PCDH7: variants seen among roughly 807,000 people sequenced by gnomAD.
The protein encoded by PCDH7 is protocadherin-7.
Under a neutral mutation model 58.9 loss-of-function variants are expected in PCDH7, and 17 were observed. The ratio of observed to expected loss-of-function variants is 0.29; its 90% CI spans 0.20 to 0.43. The LOEUF is 0.43. Ranked by LOEUF, PCDH7 falls within the 20% of genes least tolerant of loss-of-function variation. PCDH7 has a pLI of 1.00. For synonymous variants in PCDH7, 664 were observed against 616.4 expected, an observed-to-expected ratio of 1.08 and a Z score of -1.14; for missense variants, 1,274 against 1,441.0, an observed-to-expected ratio of 0.88 and a Z score of 1.88.
At chr4:30,894,528 C>T (rs867874612) in intron 1 of PCDH7, among the ~76,000 whole-genome samples, 1,410 of 92,878 alleles carry the variant, frequency 0.015, 8 homozygotes, top group African/African-American at 0.023. Flanking sequence ...CACACACACA[C>T]ACACACACAC....
intron 3 of PCDH7, among the ~76,000 whole-genome samples, chr4:31,137,633 T>C (rs535031083): frequency 1.3e-5 from 2 of 152,264 alleles, no homozygotes; most frequent in Admixed American, 1.3e-4. Context: ...AAAATACTTC[T>C]TATTTTTTTG....
At chr4:30,933,365 G>C (rs1306413918) in intron 2 of PCDH7, among the ~76,000 whole-genome samples, 2 of 152,108 alleles carry the variant, frequency 1.3e-5, no homozygotes, top group Non-Finnish European at 2.9e-5. Flanking sequence ...GATGAGGCTT[G>C]CAGAAACAAA....
chr4:31,026,430 G>C (rs984403277), intron 3 of PCDH7, among the ~76,000 whole-genome samples: 5 of 152,200 alleles, frequency 3.3e-5, no homozygotes, highest in African/African-American at 1.2e-4. Context: ...TGGGCATACC[G>C]AAATGAGCAT....
chr4:30,887,093 CACAA>C (rs1737921108), intron 1 of PCDH7, among the ~76,000 whole-genome samples: 1 of 151,482 alleles, frequency 6.6e-6, no homozygotes, highest in Non-Finnish European at 1.5e-5. Context: ...AACTAACCTG[CACAA>C]TGTGCAGGTT....
intron 3 of PCDH7, among the ~76,000 whole-genome samples, chr4:31,078,893 T>C (rs1759236900): frequency 6.6e-6 from 1 of 151,836 alleles, no homozygotes; most frequent in South Asian, 2.1e-4. Context: ...TGCAACAGAA[T>C]AAGAAGTTAC....
intron 3 of PCDH7, 152 bp from the exon 3 acceptor site, chr4:31,142,321 A>T: frequency 4.5e-6 from 3 of 659,740 alleles, no homozygotes; most frequent in South Asian, 1.9e-5. Context: ...GGGATTAAAA[A>T]CTGTCCTATG....
At chr4:31,052,277 G>A (rs2109222576) in intron 3 of PCDH7, among the ~76,000 whole-genome samples, 1 of 152,198 alleles carries the variant, frequency 6.6e-6, no homozygotes, top group African/African-American at 2.4e-5. Flanking sequence ...TTGCAAAACT[G>A]ATACAGAATT....
At chr4:31,070,556 C>A (rs1295585031) in intron 3 of PCDH7, among the ~76,000 whole-genome samples, 9 of 152,038 alleles carry the variant, frequency 5.9e-5, no homozygotes, top group Non-Finnish European at 1.3e-4. Flanking sequence ...TGTTTATATG[C>A]AGACATTTGC....
intron 1 of PCDH7, among the ~76,000 whole-genome samples, chr4:30,764,265 A>T (rs1413777718): frequency 6.6e-6 from 1 of 152,182 alleles, no homozygotes; most frequent in East Asian, 1.9e-4. Context: ...ATTTGTAATG[A>T]TAATGAGTCT....
At chr4:30,749,587 A>T (rs1288947388) in intron 1 of PCDH7, among the ~76,000 whole-genome samples, 1 of 152,132 alleles carries the variant, frequency 6.6e-6, no homozygotes, top group African/African-American at 2.4e-5. Flanking sequence ...AAGGATTCCA[A>T]TTGTCAATAC....
intron 2 of PCDH7, among the ~76,000 whole-genome samples, chr4:30,948,319 A>G (rs571531058): frequency 6.6e-6 from 1 of 151,438 alleles, no homozygotes; most frequent in African/African-American, 2.4e-5. Flanking sequence ...ATTTCATGCT[A>G]GATGCAAGAT....
intron 3 of PCDH7, among the ~76,000 whole-genome samples, chr4:30,998,138 G>T (rs1752061114): frequency 6.6e-6 from 1 of 152,060 alleles, no homozygotes; most frequent in Non-Finnish European, 1.5e-5. Context: ...GAGTTCTATT[G>T]CCCATGTGCT....
chr4:30,930,055 TA>T (rs1174072690), intron 2 of PCDH7, among the ~76,000 whole-genome samples: 1 of 152,220 alleles, frequency 6.6e-6, no homozygotes, highest in East Asian at 1.9e-4. Context: ...GCTAAGCATT[TA>T]AATATTGTCA....
intron 3 of PCDH7, among the ~76,000 whole-genome samples, chr4:31,059,017 A>C (rs935033006): frequency 2.6e-5 from 4 of 152,010 alleles, no homozygotes; most frequent in Admixed American, 6.6e-5. Context: ...AAATTGAAGC[A>C]ATCTTTCCCT....
At chr4:30,988,012 A>G (rs758675194) in intron 3 of PCDH7, among the ~76,000 whole-genome samples, 41 of 152,146 alleles carry the variant, frequency 2.7e-4, no homozygotes, top group Non-Finnish European at 5.7e-4. Flanking sequence ...CAAGAATATA[A>G]GTTATTTTAA....
Position 31,031,461 on chromosome 4 carries a change from C to A in PCDH7, c.*7+81246C>A, listed in dbSNP as rs565814167. Among the ~76,000 whole-genome samples the A allele has an allele frequency of 2.0e-5, 3 of 152,190 alleles. No individual in the cohort carries two copies. The South Asian group carries it at 6.2e-4, about 32-fold the overall frequency. ...CAAGGCTTATGTCCTTTGGGAAATT[C>A]TGTGTGGTCTAGTTTGCCTGAGGTA... On this transcript the variant is annotated intron_variant, in intron 3 of 3. Coordinates refer to the PCDH7 transcript ENST00000509759.
chr4:30,830,470 G>T (rs961939593), intron 1 of PCDH7, among the ~76,000 whole-genome samples: 8 of 151,940 alleles, frequency 5.3e-5, no homozygotes, highest in African/African-American at 1.7e-4. Flanking sequence ...ACTAAAAAAA[G>T]ATTTAAAAAA....
intron 1 of PCDH7, among the ~76,000 whole-genome samples, chr4:30,778,085 G>A (rs1321947942): frequency 2.0e-5 from 3 of 152,012 alleles, no homozygotes; most frequent in Admixed American, 2.0e-4. Flanking sequence ...GATGCCAAAG[G>A]TCACTTCATT....
At chr4:31,089,686 C>G (rs888013215) in intron 3 of PCDH7, among the ~76,000 whole-genome samples, 2 of 152,086 alleles carry the variant, frequency 1.3e-5, no homozygotes, top group South Asian at 4.1e-4. Context: ...TTTCTAAAGC[C>G]ATTTATAAAA....
Sources: gnomAD v4.1 joint callset for allele counts (sites outside exome capture counted in the v4.1 genomes callset) on GRCh38, gnomAD v4.1.1 for gene constraint, MANE v1.5 for transcripts, NCBI Gene and HGNC (gene_info 2026-07-23, HGNC 2026-07-21) for gene names.